SMIM14: variants seen among roughly 807,000 people sequenced by gnomAD.
The protein encoded by SMIM14 is small integral membrane protein 14.
In SMIM14, 5 loss-of-function variants were observed where a neutral mutation model predicts 12.6. The ratio of observed to expected loss-of-function variants is 0.40; its 90% confidence interval spans 0.21 to 0.83. The LOEUF (loss-of-function observed/expected upper bound fraction) is 0.83. SMIM14 is among the 40% of genes least tolerant of loss of function. The pLI is 0.37. For missense variants in SMIM14, 86 were observed against 119.1 expected (o/e 0.72, Z 1.29); for synonymous variants, 30 against 40.1 (o/e 0.75, Z 0.95).
intron 2 of SMIM14, among the ~76,000 whole-genome samples, chr4:39,601,528 G>A (rs900853622): frequency 4.6e-5 from 7 of 152,088 alleles, no homozygotes; most frequent in Non-Finnish European, 5.9e-5. Flanking sequence ...TATAACTAAC[G>A]GCAAAAAATT....
At chr4:39,561,390 C>A (rs2109990782) in intron 3 of SMIM14, among the ~76,000 whole-genome samples, 1 of 151,994 alleles carries the variant, frequency 6.6e-6, no homozygotes, top group East Asian at 1.9e-4. Context: ...ATCCCTTGAG[C>A]TCAGGAGCTC....
intron 2 of SMIM14, chr4:39,594,678 A>C (rs1302269171): frequency 3.5e-4 from 52 of 147,860 alleles, no homozygotes; most frequent in African/African-American, 1.2e-3. Context: ...AATATCCAGA[A>C]TCTACAATGA....
At chr4:39,594,892 A>C (rs1714286879) in intron 2 of SMIM14, among the ~76,000 whole-genome samples, 1 of 151,106 alleles carries the variant, frequency 6.6e-6, no homozygotes, top group Non-Finnish European at 1.5e-5. Context: ...ATCATTAAAA[A>C]GTCAGGAAAC....
intron 2 of SMIM14, chr4:39,589,648 G>A (rs1713957967): frequency 6.6e-6 from 1 of 152,144 alleles, no homozygotes; most frequent in African/African-American, 2.4e-5. Context: ...CAGAACAACA[G>A]GAGAAGACGG....
Position 39,550,146 on chromosome 4 carries a change from C to G in SMIM14, c.*1980G>C, listed in dbSNP as rs1381918494. On this transcript the variant is annotated 3_prime_UTR_variant, in exon 5 of 5. Coordinates refer to ENST00000295958, the MANE Select transcript of SMIM14 (RefSeq NM_174921.3). ...AATTCATACAAGTAATTTACCAGAT[C>G]TAAACAGTGAATAGACTGACCTAAG... The G allele has an allele frequency of 6.6e-6, 1 of 152,062 alleles. No homozygotes were observed. The highest frequency in any genetic ancestry group is 1.5e-5 in the Non-Finnish European group (1 of 68,022). 9.4% of individuals were successfully genotyped at this position (152,062 alleles called of 1,614,324 possible). A position where few individuals can be genotyped will look rare whatever the true frequency, so the allele number is the denominator to read the frequency against.
chr4:39,606,188 A>G (rs774543936), intron 1 of SMIM14, among the ~76,000 whole-genome samples: 20 of 151,972 alleles, frequency 1.3e-4, no homozygotes, highest in Non-Finnish European at 2.8e-4. Flanking sequence ...TCTACAAATA[A>G]TTTAAAAATT....
At chr4:39,553,154 G>A (rs985278848) in intron 4 of SMIM14, among the ~76,000 whole-genome samples, 15 of 150,678 alleles carry the variant, frequency 1.0e-4, no homozygotes, top group East Asian at 7.8e-4. Context: ...TCCGCCTCCC[G>A]GGTTCAAGTG....
chr4:39,596,152 A>G (rs937715080), intron 2 of SMIM14, among the ~76,000 whole-genome samples: 4 of 151,346 alleles, frequency 2.6e-5, no homozygotes, highest in Non-Finnish European at 5.9e-5. Flanking sequence ...CTGGAGTGCA[A>G]TGGCGTGATC....
At chr4:39,566,934 T>C (rs1044196186) in intron 3 of SMIM14, among the ~76,000 whole-genome samples, 1 of 151,532 alleles carries the variant, frequency 6.6e-6, no homozygotes, top group African/African-American at 2.4e-5. Flanking sequence ...ACCACTACAC[T>C]CCAGCCTGGT....
At chr4:39,633,454 G>A (rs1231594793) in intron 1 of SMIM14, among the ~76,000 whole-genome samples, 2 of 151,980 alleles carry the variant, frequency 1.3e-5, no homozygotes, top group African/African-American at 4.8e-5. Flanking sequence ...CAATATTAAA[G>A]GAAAACTTCA....
At chr4:39,633,070 G>T (rs1162938915) in intron 1 of SMIM14, among the ~76,000 whole-genome samples, 1 of 151,870 alleles carries the variant, frequency 6.6e-6, no homozygotes, top group Non-Finnish European at 1.5e-5. Flanking sequence ...CAGACAGGTG[G>T]ATCACCTAAG....
At chr4:39,588,805 T>C (rs921631815) in intron 2 of SMIM14, among the ~76,000 whole-genome samples, 1 of 151,674 alleles carries the variant, frequency 6.6e-6, no homozygotes, top group African/African-American at 2.4e-5. Flanking sequence ...CACATATTCA[T>C]ATATTATTTA....
intron 2 of SMIM14, among the ~76,000 whole-genome samples, chr4:39,587,357 C>T (rs943995344): frequency 4.6e-5 from 7 of 151,334 alleles, no homozygotes; most frequent in African/African-American, 1.7e-4. Context: ...ATTAGCCAGG[C>T]ATGGTGGCGG....
chr4:39,589,133 C>G (rs1713929602), intron 2 of SMIM14, among the ~76,000 whole-genome samples: 2 of 152,302 alleles, frequency 1.3e-5, no homozygotes, highest in African/African-American at 4.8e-5. Context: ...GTCACCCAGG[C>G]TGGAGTACAA....
At chr4:39,596,391 G>A (rs983946971) in intron 2 of SMIM14, among the ~76,000 whole-genome samples, 19 of 152,120 alleles carry the variant, frequency 1.2e-4, no homozygotes, top group African/African-American at 3.6e-4. Flanking sequence ...CACCGGGCCC[G>A]GCCGCATATA....
intron 2 of SMIM14, among the ~76,000 whole-genome samples, chr4:39,575,079 G>GT (rs372419357): frequency 0.012 from 1,493 of 125,380 alleles, 26 homozygotes; most frequent in East Asian, 0.048. Context: ...CGAGAAAATA[G>GT]TTTTTTTTTT....
At chr4:39,559,296 C>T (rs185774033) in intron 3 of SMIM14, among the ~76,000 whole-genome samples, 89 of 150,352 alleles carry the variant, frequency 5.9e-4, no homozygotes, top group Non-Finnish European at 1.0e-3. Flanking sequence ...GGCTGAGGCA[C>T]GAGAATTGCT....
chr4:39,560,833 G>A (rs1237274876), intron 3 of SMIM14, among the ~76,000 whole-genome samples: 2 of 151,354 alleles, frequency 1.3e-5, no homozygotes, highest in Non-Finnish European at 2.9e-5. Context: ...TTTCTCAACA[G>A]CCCTGTATTT....
intron 2 of SMIM14, among the ~76,000 whole-genome samples, chr4:39,601,512 C>T (rs7658676): frequency 0.27 from 41,635 of 152,056 alleles, 6,320 homozygotes; most frequent in Non-Finnish European, 0.35. Flanking sequence ...TTTAAATTCT[C>T]GTAGTTATAA....
Sources: gnomAD v4.1 joint callset for allele counts (sites outside exome capture counted in the v4.1 genomes callset) on GRCh38, gnomAD v4.1.1 for gene constraint, MANE v1.5 for transcripts, NCBI Gene and HGNC (gene_info 2026-07-23, HGNC 2026-07-21) for gene names.